DIMT1: variants seen among roughly 807,000 people sequenced by gnomAD.
DIMT1 encodes the protein DIM1 rRNA methyltransferase and ribosome maturation factor.
In DIMT1, 36 loss-of-function variants were observed where a neutral mutation model predicts 43.2. The observed-to-expected ratio is 0.83, with a 90% confidence interval of 0.64 to 1.10. The LOEUF (loss-of-function observed/expected upper bound fraction) is 1.10, where lower values mean the gene tolerates loss of function less well. Ranked by LOEUF, DIMT1 falls within the 50% of genes least tolerant of loss-of-function variation. The probability of loss-of-function intolerance (pLI) is 0.00; values close to 1 mark genes in which losing one functional copy is unlikely to be tolerated. For synonymous variants in DIMT1, 126 were observed against 130.3 expected, an observed-to-expected ratio of 0.97 and a Z score of 0.22; for missense variants, 341 against 385.3, an observed-to-expected ratio of 0.88 and a Z score of 0.96.
intron 8 of DIMT1, 85 bp downstream of exon 8, chr5:62,393,870 C>A: frequency 8.6e-7 from 1 of 1,167,052 alleles, no homozygotes; most frequent in South Asian, 1.5e-5. Context: ...TAGGTTGATT[C>A]AATATTTTTC....
Position 62,388,818 on chromosome 5 carries a change from T to A in DIMT1, c.*192A>T. The A allele has an allele frequency of 1.6e-6, 1 of 609,668 alleles. No individual in the cohort carries two copies. The highest frequency in any genetic ancestry group is 2.9e-6 in the Non-Finnish European group (1 of 341,154). 37.8% of individuals were successfully genotyped at this position (609,668 alleles called of 1,614,324 possible). A position where few individuals can be genotyped will look rare whatever the true frequency, so the allele number is the denominator to read the frequency against. ...AATAGATTGGACCAGCATTATATAT[T>A]AAAAACTTTGATACTTAGAACTTTC... On this transcript the variant is annotated 3_prime_UTR_variant, in exon 12 of 12. Coordinates refer to ENST00000199320, the MANE Select transcript of DIMT1 (RefSeq NM_014473.4).
chr5:62,388,100 T>C lies in DIMT1; in HGVS notation c.*910A>G, dbSNP rs149107975. ...ATGACATCTATTGAAATTCTCAGTC[T>C]GACAGTTTTAAAATAGCTTAAAACT... On this transcript the variant is annotated 3_prime_UTR_variant, in exon 12 of 12. Coordinates refer to ENST00000199320, the MANE Select transcript of DIMT1 (RefSeq NM_014473.4). 34 of 152,304 alleles carry C rather than the reference T, an allele frequency of 2.2e-4. No homozygotes were observed. The East Asian group carries it at 5.2e-3, about 23-fold the overall frequency. The allele number at this position is 152,304 out of a possible 1,614,324, so 9.4% of individuals were successfully genotyped here.
chr5:62,394,976 A>G (rs1035015995), intron 6 of DIMT1, among the ~76,000 whole-genome samples: 4 of 152,140 alleles, frequency 2.6e-5, no homozygotes, highest in African/African-American at 9.7e-5. Flanking sequence ...CTGAAGAGGC[A>G]GATTGTGACG....
At chr5:62,401,620 G>A (rs1251172958) in intron 3 of DIMT1, among the ~76,000 whole-genome samples, 1 of 100,802 alleles carries the variant, frequency 9.9e-6, no homozygotes, top group Non-Finnish European at 1.8e-5. Flanking sequence ...GTCTCACTCT[G>A]TCACCAGGCT....
chr5:62,403,838 A>AGCCACCACGTGGGGATC lies in DIMT1; in HGVS notation c.-83_-67dup. On this transcript the variant is annotated 5_prime_UTR_variant, in exon 1 of 12. Coordinates refer to ENST00000199320, the MANE Select transcript of DIMT1 (RefSeq NM_014473.4). ...GGACCAAAGAGGGCTAGCGTGAGAA[A>AGCCACCACGTGGGGATC]GCCACCACGTGGGGATCGCCGCCAC... 1 of 1,537,668 alleles carries AGCCACCACGTGGGGATC rather than the reference A, an allele frequency of 6.5e-7. No homozygotes were observed. Among genetic ancestry groups the AGCCACCACGTGGGGATC allele is most frequent in the Non-Finnish European group, 8.8e-7 (1 of 1,131,252 alleles).
intron 3 of DIMT1, among the ~76,000 whole-genome samples, chr5:62,399,669 G>C (rs1472106400): frequency 1.3e-5 from 2 of 149,198 alleles, no homozygotes; most frequent in East Asian, 2.0e-4. Context: ...CCGGGTGTGA[G>C]GCTGAGGTGG....
intron 10 of DIMT1, 58 bp from the exon 11 acceptor site, chr5:62,391,040 CTCTT>C (rs1742291412): frequency 6.9e-7 from 1 of 1,444,928 alleles, no homozygotes; most frequent in Admixed American, 1.7e-5. Flanking sequence ...GTCACCTTGA[CTCTT>C]TTTTTTAGTT....
rs750518353 is a variant in DIMT1 at position 62,403,237 on chromosome 5, A to C, written c.153+36T>G. The C allele has an allele frequency of 1.0e-5, 16 of 1,584,596 alleles. No homozygotes were observed. In the East Asian group the frequency reaches 2.5e-4, roughly 24 times the overall value. ...GTATTCATAGGAATAAAATTAATAA[A>C]CCAACAACTCTCTCCCTTTCCTCTT... On this transcript the variant is annotated intron_variant, in intron 2 of 11. Coordinates refer to ENST00000199320, the MANE Select transcript of DIMT1 (RefSeq NM_014473.4).
chr5:62,392,391 T>C (rs1742340691), intron 9 of DIMT1, among the ~76,000 whole-genome samples, 157 bp from the exon 10 acceptor site: 1 of 152,188 alleles, frequency 6.6e-6, no homozygotes, highest in African/African-American at 2.4e-5. Flanking sequence ...AATTAAGGAA[T>C]TTTAAAAGTT....
rs1037912178 is a variant in DIMT1, at chr5:62,388,088, A to T, written c.*922T>A. The T allele has an allele frequency of 1.3e-5, 2 of 152,198 alleles. No individual in the cohort carries two copies. The highest frequency in any genetic ancestry group is 4.8e-5 in the African/African-American group (2 of 41,442). The allele number at this position is 152,198 out of a possible 1,614,324, so 9.4% of individuals were successfully genotyped here. On this transcript the variant is annotated 3_prime_UTR_variant, in exon 12 of 12. Coordinates refer to ENST00000199320, the MANE Select transcript of DIMT1 (RefSeq NM_014473.4). Reference sequence around the variant, plus strand: ...TAAAACTAGTTTATGACATCTATTGAAATTCTCAGTCTGACAGTTTTAAAA... The same window carrying T: ...TAAAACTAGTTTATGACATCTATTGTAATTCTCAGTCTGACAGTTTTAAAA...
chr5:62,403,548 G>A, intron 1 of DIMT1, 146 bp downstream of exon 1: 3 of 1,024,668 alleles, frequency 2.9e-6, no homozygotes, highest in Non-Finnish European at 4.3e-6. Flanking sequence ...GCCTGCGGCC[G>A]AGTCGGGGAC....
chr5:62,400,309 G>A (rs974181436), intron 3 of DIMT1, among the ~76,000 whole-genome samples: 4 of 150,304 alleles, frequency 2.7e-5, no homozygotes, highest in Admixed American at 6.6e-5. Context: ...GTGAAGTGGC[G>A]CTATCATAGC....
chr5:62,393,706 A>T (rs1368019016), intron 8 of DIMT1, among the ~76,000 whole-genome samples: 1 of 150,746 alleles, frequency 6.6e-6, no homozygotes, highest in African/African-American at 2.4e-5. Flanking sequence ...TAAAACAACT[A>T]TTTTCATTTT....
intron 11 of DIMT1, 64 bp from the exon 12 acceptor site, chr5:62,389,116 A>G: frequency 1.5e-6 from 2 of 1,378,712 alleles, no homozygotes; most frequent in African/African-American, 1.5e-5. Flanking sequence ...AACGGTATAT[A>G]GTTCTATACC....
chr5:62,398,260 C>G (rs189208184), intron 6 of DIMT1, among the ~76,000 whole-genome samples: 3 of 152,312 alleles, frequency 2.0e-5, no homozygotes, highest in Admixed American at 2.0e-4. Flanking sequence ...AATAAAAATT[C>G]TAACCTAGAC....
intron 6 of DIMT1, among the ~76,000 whole-genome samples, chr5:62,396,204 G>A (rs978721808): frequency 7.1e-6 from 1 of 140,732 alleles, no homozygotes; most frequent in African/African-American, 2.7e-5. Context: ...TTAAGACTGG[G>A]AAACGAAAAT....
chr5:62,391,935 A>G, intron 10 of DIMT1: 1 of 1,535,832 alleles, frequency 6.5e-7, no homozygotes, highest in African/African-American at 1.4e-5. Context: ...AACAACTGTC[A>G]GTAGTTAGAG....
In DIMT1 at chr5:62,394,058, A is replaced by G; in HGVS notation, c.571-11T>C. On this transcript the variant is annotated splice_polypyrimidine_tract_variant and intron_variant, in intron 7 of 11. Transcript: ENST00000199320. ...GTTATTCTTTCCCACCTGTTAATGA[A>G]AAAGTATTTAAGTAGTACTCACAAA... 1.2e-6 allele frequency: 2 copies of G among 1,610,376 alleles called. No homozygotes were observed. Among genetic ancestry groups the G allele is most frequent in the Non-Finnish European group, 1.7e-6 (2 of 1,179,106 alleles).
At chr5:62,403,545 G>T in intron 1 of DIMT1, 149 bp downstream of exon 1, 1 of 1,009,294 alleles carries the variant, frequency 9.9e-7, no homozygotes, top group Non-Finnish European at 1.4e-6. Flanking sequence ...AGGGCCTGCG[G>T]CCGAGTCGGG....
Sources: gnomAD v4.1 joint callset for allele counts (sites outside exome capture counted in the v4.1 genomes callset) on GRCh38, gnomAD v4.1.1 for gene constraint, MANE v1.5 for transcripts, NCBI Gene and HGNC (gene_info 2026-07-23, HGNC 2026-07-21) for gene names.